Variants in TRIO observed in about 807,000 individuals in gnomAD.
The protein encoded by TRIO is triple functional domain protein.
A neutral mutation model predicts 351.9 loss-of-function variants in TRIO; 58 were observed. The ratio of observed to expected loss-of-function variants is 0.16; its 90% confidence interval spans 0.13 to 0.21. TRIO has a LOEUF of 0.21. TRIO is among the 10% of genes least tolerant of loss of function. The pLI, the probability that TRIO is intolerant of heterozygous loss-of-function variation, is 1.00. For missense variants in TRIO, 3,201 were observed against 4,027.8 expected (o/e 0.79, Z 5.56); for synonymous variants, 1,758 against 1,595.7 (o/e 1.10, Z -2.42).
chr5:14,157,738 C>T (rs1320094309), intron 1 of TRIO, among the ~76,000 whole-genome samples: 7 of 152,098 alleles, frequency 4.6e-5, no homozygotes, highest in African/African-American at 7.2e-5. Flanking sequence ...GCATGTGCCA[C>T]GACACCCAGC....
chr5:14,459,119 A>G (rs577031113), intron 34 of TRIO, among the ~76,000 whole-genome samples: 16 of 152,342 alleles, frequency 1.1e-4, no homozygotes, highest in African/African-American at 3.8e-4. Context: ...CCTAAAACGC[A>G]TCATCTGTTT....
intron 1 of TRIO, among the ~76,000 whole-genome samples, chr5:14,145,371 G>A (rs1399957259): frequency 6.6e-6 from 1 of 152,152 alleles, no homozygotes; most frequent in Non-Finnish European, 1.5e-5. Flanking sequence ...GGCTGGGAGT[G>A]ACACAGCCGA....
Position 14,497,754 on chromosome 5 carries a change from A to C in TRIO, c.8020-93A>C, listed in dbSNP as rs1756996510. On this transcript the variant is annotated intron_variant, in intron 50 of 56. Coordinates refer to ENST00000344204, the MANE Select transcript of TRIO (RefSeq NM_007118.4). The surrounding 1 kb of genome is among the most constrained non-coding windows in gnomAD (Gnocchi z 4.4). The stretch of plus-strand genomic sequence containing the variant: ...ATGCCCAGGCAAGTCAGTTTCTGCA[A>C]ATCTTTCAACAATAATTGTAGCCCT... 1 of 1,551,366 alleles carries C rather than the reference A, an allele frequency of 6.4e-7. No homozygotes were observed. Among genetic ancestry groups the C allele is most frequent in the African/African-American group, 1.4e-5 (1 of 73,598 alleles).
At chr5:14,345,849 T>G (rs540187752) in intron 11 of TRIO, among the ~76,000 whole-genome samples, 2 of 152,356 alleles carry the variant, frequency 1.3e-5, no homozygotes, top group East Asian at 3.9e-4. Context: ...CCTGTTTACT[T>G]GTTAAATTTC....
At chr5:14,238,850 C>T (rs1029319853) in intron 1 of TRIO, among the ~76,000 whole-genome samples, 1 of 152,208 alleles carries the variant, frequency 6.6e-6, no homozygotes, top group African/African-American at 2.4e-5. Flanking sequence ...CACATCTTTG[C>T]CACCTGGCTG....
chr5:14,330,038 C>T (rs567905977), intron 9 of TRIO, among the ~76,000 whole-genome samples: 7 of 152,102 alleles, frequency 4.6e-5, no homozygotes, highest in South Asian at 2.1e-4. Flanking sequence ...CCATATTGTT[C>T]GCAGGTCAAC....
chr5:14,143,759 G>A lies in TRIO; in HGVS notation c.34G>A (p.Ala12Thr), dbSNP rs1045136451. 341 of 993,654 alleles carry A rather than the reference G, an allele frequency of 3.4e-4. No individual in the cohort carries two copies. In the African/African-American group the frequency reaches 4.5e-3, roughly 13 times the overall value. 61.6% of individuals were successfully genotyped at this position (993,654 alleles called of 1,614,324 possible). A position where few individuals can be genotyped will look rare whatever the true frequency, so the allele number is the denominator to read the frequency against. ...SGSSGGAAAP[A>T]ASSGPAAAAS... ...CAGCAGCGGCGGAGCCGCCGCCCCC[G>A]CCGCGTCCTCCGGCCCCGCCGCGGC... is the stretch of plus-strand genomic sequence containing the variant. The change falls in exon 1 of 57, where the codon GCC becomes ACC. Residue 12 changes from alanine to threonine, a missense_variant. Ala to Thr is a moderately conservative substitution (Grantham distance 58). Around this residue, in one of 19 missense-constraint regions of TRIO, gnomAD observed 109 missense variants for 134.6 expected, o/e 0.81. Coordinates refer to ENST00000344204, the MANE Select transcript of TRIO (RefSeq NM_007118.4).
chr5:14,421,720 A>T (rs1750177950), intron 34 of TRIO, among the ~76,000 whole-genome samples: 1 of 152,030 alleles, frequency 6.6e-6, no homozygotes, highest in African/African-American at 2.4e-5. Flanking sequence ...AACCACAAGG[A>T]TAGGAAGCGG....
intron 34 of TRIO, among the ~76,000 whole-genome samples, chr5:14,432,185 C>T (rs539925061): frequency 2.0e-4 from 30 of 152,298 alleles, no homozygotes; most frequent in African/African-American, 6.7e-4. Context: ...CTCATGACAA[C>T]GTAGACATAC....
intron 41 of TRIO, 128 bp downstream of exon 41, chr5:14,477,091 A>T: frequency 1.3e-6 from 1 of 752,316 alleles, no homozygotes; most frequent in Non-Finnish European, 2.1e-6. Flanking sequence ...ATCAAACTGC[A>T]TGGTGTTAAT....
At chr5:14,203,895 C>G (rs896932385) in intron 1 of TRIO, among the ~76,000 whole-genome samples, 2 of 152,202 alleles carry the variant, frequency 1.3e-5, no homozygotes, top group Non-Finnish European at 2.9e-5. Context: ...AAAGTGAGCC[C>G]TTGTTAATTG....
chr5:14,405,822 C>G (rs1376653311), intron 31 of TRIO, 26 bp from the exon 32 acceptor site: 1 of 1,607,014 alleles, frequency 6.2e-7, no homozygotes, highest in South Asian at 1.1e-5. Context: ...GTTCCGTATC[C>G]TAAGCAACGC....
chr5:14,497,581 T>C lies in TRIO; in HGVS notation c.8020-266T>C, dbSNP rs1053141435. On this transcript the variant is annotated intron_variant, in intron 50 of 56. Transcript: ENST00000344204. The surrounding 1 kb of genome is among the most constrained non-coding windows in gnomAD (Gnocchi z 4.4). Reference sequence around the variant, plus strand: ...GGCGGCTCTGCATTAGGAACGCATCTGAGGACCAGCTGGACTCAGCCTGTA... The same window carrying C: ...GGCGGCTCTGCATTAGGAACGCATCCGAGGACCAGCTGGACTCAGCCTGTA... 1.4e-4 allele frequency among the ~76,000 whole-genome samples: 22 copies of C among 152,306 alleles called. No individual in the cohort carries two copies. Among genetic ancestry groups the C allele is most frequent in the Middle Eastern group, 3.4e-3 (1 of 294 alleles).
In TRIO at chr5:14,143,409, G is replaced by C. The variant is rs1168095047; in HGVS notation, c.-317G>C. Among the ~76,000 whole-genome samples, 16 of 150,182 alleles carry C rather than the reference G, an allele frequency of 1.1e-4. No individual in the cohort carries two copies. The highest frequency in any genetic ancestry group is 4.6e-4 in the Admixed American group (7 of 15,126). ...TGATCCCGGAGGTCTCGCCGGCCACGGGCCCCCGCCCTCGCGACTGCGCGT... is the reference window on the plus strand; with the variant it reads ...TGATCCCGGAGGTCTCGCCGGCCACCGGCCCCCGCCCTCGCGACTGCGCGT... On this transcript the variant is annotated 5_prime_UTR_variant, in exon 1 of 57. Transcript: ENST00000344204.
intron 33 of TRIO, among the ~76,000 whole-genome samples, chr5:14,414,910 C>A (rs1263455828): frequency 6.6e-6 from 1 of 152,182 alleles, no homozygotes; most frequent in Non-Finnish European, 1.5e-5. Context: ...GGGTGAGAGC[C>A]TGGGGCATAA....
At chr5:14,427,779 G>A (rs914996432) in intron 34 of TRIO, among the ~76,000 whole-genome samples, 33 of 152,292 alleles carry the variant, frequency 2.2e-4, no homozygotes, top group African/African-American at 7.5e-4. Flanking sequence ...CAGGGAAGCC[G>A]AGCCTGGGTG....
In TRIO at chr5:14,509,458, TTTG is replaced by T. The variant is rs777138179; in HGVS notation, c.*1040_*1042del. On this transcript the variant is annotated 3_prime_UTR_variant, in exon 57 of 57. Transcript: ENST00000344204. ...CGGTTCAAAGAGACTTTTCGTGAAA[TTTG>T]TTGGTTTTGAGGACTGTAAAAGTGA... 5 of 463,834 alleles carry T rather than the reference TTTG, an allele frequency of 1.1e-5. No individual in the cohort carries two copies. The highest frequency in any genetic ancestry group is 2.3e-5 in the Admixed American group (1 of 43,092). 28.7% of individuals were successfully genotyped at this position (463,834 alleles called of 1,614,324 possible). A position where few individuals can be genotyped will look rare whatever the true frequency, so the allele number is the denominator to read the frequency against.
At chr5:14,256,375 G>A (rs1272043938) in intron 1 of TRIO, among the ~76,000 whole-genome samples, 2 of 152,166 alleles carry the variant, frequency 1.3e-5, no homozygotes, top group African/African-American at 4.8e-5. Flanking sequence ...TTCAACACGA[G>A]ATTTGGAGGG....
intron 1 of TRIO, among the ~76,000 whole-genome samples, chr5:14,230,618 TC>T (rs1165060063): frequency 6.6e-6 from 1 of 152,182 alleles, no homozygotes; most frequent in Non-Finnish European, 1.5e-5. Context: ...TGACTTGTTT[TC>T]CATGAATGTC....
Sources: allele counts gnomAD v4.1 joint callset (sites outside exome capture counted in the v4.1 genomes callset), GRCh38; gene constraint gnomAD v4.1.1; regional missense constraint gnomAD v4.1.1; non-coding constraint Gnocchi (gnomAD v3.1); transcripts MANE v1.5; gene names NCBI Gene and HGNC (gene_info 2026-07-23, HGNC 2026-07-21).